NTRK3: variants seen among roughly 807,000 people sequenced by gnomAD.
NTRK3 encodes NT-3 growth factor receptor.
A neutral mutation model predicts 91.7 loss-of-function variants in NTRK3; 24 were observed. That is an observed-to-expected ratio of 0.26 (90% CI 0.19 to 0.37). The LOEUF (loss-of-function observed/expected upper bound fraction) is 0.37. NTRK3 is among the 10% of genes least tolerant of loss of function. The pLI is 1.00. For missense variants in NTRK3, 880 were observed against 1,068.9 expected, an observed-to-expected ratio of 0.82 and a Z score of 2.46; for synonymous variants, 483 against 404.0, an observed-to-expected ratio of 1.20 and a Z score of -2.34.
chr15:88,054,229 A>C (rs2045487730), intron 13 of NTRK3, among the ~76,000 whole-genome samples: 1 of 152,268 alleles, frequency 6.6e-6, no homozygotes, highest in South Asian at 2.1e-4. Flanking sequence ...CAAACCATTA[A>C]ATAATAACAT....
chr15:88,069,506 C>A (rs528864909), intron 13 of NTRK3, among the ~76,000 whole-genome samples: 13 of 152,092 alleles, frequency 8.5e-5, no homozygotes, highest in Non-Finnish European at 1.8e-4. Flanking sequence ...AAGTGTGGAG[C>A]CTGGGTGTAG....
intron 3 of NTRK3, among the ~76,000 whole-genome samples, chr15:88,226,052 A>C (rs968386951): frequency 1.3e-5 from 2 of 152,184 alleles, no homozygotes; most frequent in Admixed American, 1.3e-4. Flanking sequence ...TGTGAAGTCA[A>C]AGGCATGGTA....
chr15:88,119,114 C>T (rs2052424972), intron 13 of NTRK3, among the ~76,000 whole-genome samples: 1 of 152,362 alleles, frequency 6.6e-6, no homozygotes, highest in East Asian at 1.9e-4. Context: ...AGAGCAAGTT[C>T]AGCCTCCACA....
At chr15:87,915,036 T>C (rs2067350315) in intron 17 of NTRK3, among the ~76,000 whole-genome samples, 1 of 151,744 alleles carries the variant, frequency 6.6e-6, no homozygotes, top group Non-Finnish European at 1.5e-5. Context: ...GATGGTGGCG[T>C]TGGTGATGGT....
intron 14 of NTRK3, among the ~76,000 whole-genome samples, chr15:88,007,910 G>C (rs571889222): frequency 1.3e-5 from 2 of 152,226 alleles, no homozygotes; most frequent in East Asian, 3.9e-4. Flanking sequence ...CTAGACCTTT[G>C]TTACCAAGAA....
At chr15:87,895,779 C>A in intron 17 of NTRK3, among the ~76,000 whole-genome samples, 1 of 149,590 alleles carries the variant, frequency 6.7e-6, no homozygotes. Context: ...AATCCTTTAT[C>A]TTTTTTTTTT....
intron 3 of NTRK3, among the ~76,000 whole-genome samples, chr15:88,199,797 A>G (rs2048144602): frequency 6.6e-6 from 1 of 152,242 alleles, no homozygotes; most frequent in Non-Finnish European, 1.5e-5. Context: ...TCTCTAGGCC[A>G]GTAGCAGCAG....
intron 14 of NTRK3, among the ~76,000 whole-genome samples, chr15:87,972,459 G>C (rs1203408377): frequency 6.6e-6 from 1 of 152,154 alleles, no homozygotes; most frequent in African/African-American, 2.4e-5. Context: ...TAGCTGAGCA[G>C]GGGATTTTGA....
At chr15:88,135,303 G>A (rs764157497) in exon 10 of NTRK3, 3 of 1,614,236 alleles carry the variant, frequency 1.9e-6, no homozygotes, top group East Asian at 4.5e-5. Flanking sequence ...TGTGCAGCCA[G>A]TGCAGCGTTG....
At chr15:87,922,549 C>T (rs781395495) in intron 17 of NTRK3, among the ~76,000 whole-genome samples, 4 of 152,140 alleles carry the variant, frequency 2.6e-5, no homozygotes, top group Non-Finnish European at 4.4e-5. Flanking sequence ...CTTAAAAGCC[C>T]TGAACCTTCA....
exon 17 of NTRK3, chr15:87,929,395 C>T (rs1413050286): frequency 2.5e-6 from 4 of 1,614,006 alleles, no homozygotes; most frequent in Non-Finnish European, 3.4e-6. Flanking sequence ...CCTGGCGTGG[C>T]TGTCCATCCA....
chr15:88,255,601 G>C lies in NTRK3; in HGVS notation c.248+305C>G, dbSNP rs1203555865. ...GCAAAAAAAAACAATTTGCACCATC[G>C]AAACGAGCCAGCAACTGGTTGGGAG... On this transcript the variant is annotated intron_variant, in intron 3 of 18. Transcript: ENST00000394480. This position sits in a 1 kb window ranked among gnomAD's most constrained non-coding sequence, Gnocchi z 4.3. 2.6e-5 allele frequency among the ~76,000 whole-genome samples: 4 copies of C among 152,100 alleles called. No homozygotes were observed. The highest frequency in any genetic ancestry group is 7.2e-5 in the African/African-American group (3 of 41,432).
exon 19 of NTRK3, chr15:87,859,926 T>C (rs1385074399): frequency 5.4e-6 from 1 of 185,970 alleles, no homozygotes; most frequent in African/African-American, 2.3e-5. Flanking sequence ...TCACTTATGA[T>C]ATATTTATAT....
At chr15:88,256,615 C>A (rs2054079620) in intron 1 of NTRK3, 29 bp downstream of exon 1, 1 of 470,912 alleles carries the variant, frequency 2.1e-6, no homozygotes, top group African/African-American at 2.0e-5. Flanking sequence ...CTGCAAAACA[C>A]ACACACTCAC....
chr15:88,099,873 AG>A (rs2049997712), intron 13 of NTRK3, among the ~76,000 whole-genome samples: 2 of 152,200 alleles, frequency 1.3e-5, no homozygotes. Context: ...AGCATGGACT[AG>A]CCCCACACAC....
intron 14 of NTRK3, chr15:87,977,539 T>TA (rs1410524613): frequency 1.3e-5 from 3 of 229,154 alleles, no homozygotes; most frequent in Non-Finnish European, 2.6e-5. Context: ...TTACAATAAT[T>TA]AAAAAACATC....
At chr15:88,109,582 C>T (rs2051101581) in intron 13 of NTRK3, among the ~76,000 whole-genome samples, 1 of 152,196 alleles carries the variant, frequency 6.6e-6, no homozygotes, top group South Asian at 2.1e-4. Flanking sequence ...AGCCCGCATC[C>T]CTCCTATTCC....
rs747821731 is a variant in NTRK3 at position 88,032,841 on chromosome 15, C to A, written c.1585+16G>T. 8 of 1,613,518 alleles carry A rather than the reference C, an allele frequency of 5.0e-6. No individual in the cohort carries two copies. The highest frequency in any genetic ancestry group is 6.8e-6 in the Non-Finnish European group (8 of 1,179,722). On this transcript the variant is annotated intron_variant, in intron 14 of 18. Transcript: ENST00000394480. Reference sequence around the variant, plus strand: ...TCCCCTCCCCAGGAGGGAGAGCATTCCATCCCAGTACTTACACGTGTCCGG... The same window carrying A: ...TCCCCTCCCCAGGAGGGAGAGCATTACATCCCAGTACTTACACGTGTCCGG...
chr15:87,877,169 G>A (rs772523788), intron 18 of NTRK3, 49 bp from the exon 20 acceptor site: 15 of 1,598,962 alleles, frequency 9.4e-6, no homozygotes, highest in Admixed American at 6.8e-5. Flanking sequence ...CTCAGCCTTG[G>A]TCCTGTGGCT....
Sources: gnomAD v4.1 joint callset for allele counts (sites outside exome capture counted in the v4.1 genomes callset) on GRCh38, gnomAD v4.1.1 for gene constraint, Gnocchi (gnomAD v3.1) non-coding constraint, MANE v1.5 for transcripts, NCBI Gene and HGNC (gene_info 2026-07-23, HGNC 2026-07-21) for gene names.